The following PPP2R2B variants were observed in gnomAD, a reference collection of about 807,000 sequenced individuals.
The protein encoded by PPP2R2B is serine/threonine-protein phosphatase 2A 55 kDa regulatory subunit B beta isoform.
A neutral mutation model predicts 46.0 loss-of-function variants in PPP2R2B; 5 were observed. That is an observed-to-expected ratio of 0.11 (90% confidence interval 0.06 to 0.23). PPP2R2B has a LOEUF of 0.23. PPP2R2B is among the 10% of genes least tolerant of loss of function. The pLI is 1.00. For synonymous variants in PPP2R2B, 215 were observed against 206.7 expected (o/e 1.04, Z -0.34); for missense variants, 367 against 575.0 (o/e 0.64, Z 3.70).
intron 1 of PPP2R2B, among the ~76,000 whole-genome samples, chr5:146,994,972 G>T (rs1229171324): frequency 6.6e-6 from 1 of 152,186 alleles, no homozygotes; most frequent in Non-Finnish European, 1.5e-5. Flanking sequence ...TATATAGGAG[G>T]AGTCCTTGTC....
chr5:146,823,112 T>C (rs995025805), intron 2 of PPP2R2B, among the ~76,000 whole-genome samples: 3 of 152,162 alleles, frequency 2.0e-5, no homozygotes, highest in Non-Finnish European at 4.4e-5. Context: ...CAGCCCCCTG[T>C]TCTGGTTTCA....
intron 2 of PPP2R2B, 107 bp downstream of exon 2, chr5:146,877,895 A>C: frequency 5.4e-6 from 7 of 1,306,022 alleles, no homozygotes; most frequent in Non-Finnish European, 7.4e-6. Flanking sequence ...CCCCAGCCCT[A>C]GGGCCCGGAG....
At chr5:146,928,716 C>T (rs898749532) in intron 1 of PPP2R2B, among the ~76,000 whole-genome samples, 1 of 152,148 alleles carries the variant, frequency 6.6e-6, no homozygotes, top group Non-Finnish European at 1.5e-5. Flanking sequence ...ATACTATACT[C>T]AGCATCGTAG....
At chr5:146,618,594 A>ATTAT (rs1773413933) in intron 7 of PPP2R2B, among the ~76,000 whole-genome samples, 1 of 152,182 alleles carries the variant, frequency 6.6e-6, no homozygotes, top group Non-Finnish European at 1.5e-5. Flanking sequence ...AGCCGCTGTT[A>ATTAT]TTATTTCCCT....
chr5:146,606,412 G>A (rs2151027484), intron 7 of PPP2R2B, among the ~76,000 whole-genome samples: 1 of 152,334 alleles, frequency 6.6e-6, no homozygotes, highest in South Asian at 2.1e-4. Context: ...AGTGGCCTGG[G>A]TTGAAACTCC....
chr5:146,609,534 G>A (rs1311421929), intron 7 of PPP2R2B, among the ~76,000 whole-genome samples: 1 of 152,066 alleles, frequency 6.6e-6, no homozygotes, highest in South Asian at 2.1e-4. Flanking sequence ...AGCTCCCAGC[G>A]TGAGCGACGC....
chr5:146,811,777 C>T (rs1443452050), intron 2 of PPP2R2B, among the ~76,000 whole-genome samples: 10 of 149,606 alleles, frequency 6.7e-5, no homozygotes, highest in African/African-American at 2.2e-4. Flanking sequence ...CCTTGTTAGC[C>T]AGGATGGTCT....
intron 2 of PPP2R2B, among the ~76,000 whole-genome samples, chr5:146,741,157 C>T (rs1003951964): frequency 6.6e-6 from 1 of 152,036 alleles, no homozygotes; most frequent in African/African-American, 2.4e-5. Flanking sequence ...CTATGCTTAT[C>T]ACAGAGATTT....
At chr5:146,935,623 T>G (rs1764113949) in intron 1 of PPP2R2B, among the ~76,000 whole-genome samples, 1 of 152,108 alleles carries the variant, frequency 6.6e-6, no homozygotes, top group Non-Finnish European at 1.5e-5. Context: ...TGAAGTGGCA[T>G]TTTATCTGAG....
chr5:146,886,123 G>C (rs1762314573), intron 1 of PPP2R2B, among the ~76,000 whole-genome samples: 1 of 152,162 alleles, frequency 6.6e-6, no homozygotes, highest in Non-Finnish European at 1.5e-5. Context: ...CGGATCACGA[G>C]GTCAGGAGAT....
chr5:146,978,147 T>C (rs1235193423), intron 1 of PPP2R2B, among the ~76,000 whole-genome samples: 1 of 152,226 alleles, frequency 6.6e-6, no homozygotes, highest in Non-Finnish European at 1.5e-5. Flanking sequence ...CATTTTTTCA[T>C]ATGTTTGTTG....
At chr5:147,042,484 C>A (rs988337713) in intron 1 of PPP2R2B, among the ~76,000 whole-genome samples, 1 of 152,090 alleles carries the variant, frequency 6.6e-6, no homozygotes, top group African/African-American at 2.4e-5. Context: ...AAGCCAAATA[C>A]TGTAGATAAT....
intron 8 of PPP2R2B, among the ~76,000 whole-genome samples, chr5:146,596,685 C>T (rs1380810641): frequency 6.6e-6 from 1 of 152,146 alleles, no homozygotes; most frequent in African/African-American, 2.4e-5. Flanking sequence ...ACTGAGGTGA[C>T]TCTAGTCCTG....
At chr5:147,006,119 G>T (rs533035325) in intron 1 of PPP2R2B, among the ~76,000 whole-genome samples, 1 of 152,314 alleles carries the variant, frequency 6.6e-6, no homozygotes, top group African/African-American at 2.4e-5. Flanking sequence ...ACTCCCTTCA[G>T]GATAGGACGA....
intron 1 of PPP2R2B, among the ~76,000 whole-genome samples, chr5:146,995,152 C>T (rs1026793774): frequency 1.3e-5 from 2 of 152,202 alleles, no homozygotes; most frequent in African/African-American, 4.8e-5. Flanking sequence ...TCAAGACTTA[C>T]ATTATATGTC....
At chr5:146,826,125 C>T (rs1231515936) in intron 2 of PPP2R2B, among the ~76,000 whole-genome samples, 1 of 152,164 alleles carries the variant, frequency 6.6e-6, no homozygotes, top group African/African-American at 2.4e-5. Flanking sequence ...TTGCCACTTC[C>T]TCGGTACTTG....
intron 2 of PPP2R2B, among the ~76,000 whole-genome samples, chr5:146,721,570 C>A (rs1295967988): frequency 6.6e-6 from 1 of 152,208 alleles, no homozygotes; most frequent in Non-Finnish European, 1.5e-5. Context: ...TTCAATGGCA[C>A]CAAATAGACT....
intron 1 of PPP2R2B, among the ~76,000 whole-genome samples, chr5:146,925,772 G>T (rs1763762930): frequency 1.3e-5 from 2 of 152,018 alleles, no homozygotes; most frequent in African/African-American, 4.8e-5. Context: ...CCCCTGACAT[G>T]GTTGTTTCTG....
rs118095882 is a variant in PPP2R2B at position 147,068,566 on chromosome 5, A to C, written c.50+12493T>G. On this transcript the variant is annotated intron_variant, in intron 2 of 10. Coordinates refer to the PPP2R2B transcript ENST00000394413. The stretch of plus-strand genomic sequence containing the variant: ...TGTTTTAGTTTCATGAATTTGGTTT[A>C]AACTGCTATTAAATAGCAATATTTT... 3.9e-3 allele frequency among the ~76,000 whole-genome samples: 600 copies of C among 152,322 alleles called. 14 individuals are homozygous for C. In the East Asian group the frequency reaches 0.061, roughly 16 times the overall value.
Sources: gnomAD v4.1 joint callset for allele counts (sites outside exome capture counted in the v4.1 genomes callset) on GRCh38, gnomAD v4.1.1 for gene constraint, MANE v1.5 for transcripts, NCBI Gene and HGNC (gene_info 2026-07-23, HGNC 2026-07-21) for gene names.